TOP2A: variants seen among roughly 807,000 people sequenced by gnomAD.
TOP2A encodes DNA topoisomerase II alpha.
TOP2A carries 68 observed loss-of-function variants against 187.2 expected under a neutral mutation model. That is an observed-to-expected ratio of 0.36 (90% CI 0.30 to 0.44). The LOEUF is 0.44. Among genes scored for constraint, TOP2A ranks in the 20% least tolerant of loss-of-function variants. The probability of loss-of-function intolerance (pLI) is 1.00; values close to 1 mark genes in which losing one functional copy is unlikely to be tolerated. For synonymous variants in TOP2A, 542 were observed against 593.2 expected (o/e 0.91, Z 1.25); for missense variants, 1,196 against 1,808.7 (o/e 0.66, Z 6.14).
chr17:40,412,417 G>A (rs529442387), intron 7 of TOP2A, among the ~76,000 whole-genome samples: 11 of 152,242 alleles, frequency 7.2e-5, no homozygotes, highest in African/African-American at 4.8e-5. Flanking sequence ...AGGCCAAGAC[G>A]GGTGGATCAT....
rs747901094 is a variant in TOP2A, at chr17:40,412,991, G to A, written c.577-20C>T. 6.9e-6 allele frequency: 11 copies of A among 1,583,476 alleles called. No homozygotes were observed. Among genetic ancestry groups the A allele is most frequent in the Middle Eastern group, 1.7e-4 (1 of 5,970 alleles). On this transcript the variant is annotated intron_variant, in intron 6 of 34. Coordinates refer to ENST00000423485, the MANE Select transcript of TOP2A (RefSeq NM_001067.4). ...CCATGTCTATGGAAGTAAAGAATAG[G>A]AAACATGAAAAATTCAAGTCATCTC...
chr17:40,391,817 A>G, intron 32 of TOP2A, 177 bp from the exon 33 acceptor site: 3 of 876,004 alleles, frequency 3.4e-6, no homozygotes, highest in Non-Finnish European at 5.0e-6. Flanking sequence ...CAGCAAGAAC[A>G]GTTTTTATTT....
rs1598619799 is a variant in TOP2A, at chr17:40,413,475, T to C, written c.478+5A>G. On this transcript the variant is annotated splice_donor_5th_base_variant and intron_variant, in intron 5 of 34. Transcript: ENST00000423485. ...CAAATATGTTATTTCCCCTCAATAC[T>C]CTACCTGTCACTTTCTTTTCATCAT... The C allele has an allele frequency of 5.2e-6, 8 of 1,524,568 alleles. No individual in the cohort carries two copies. The East Asian group carries it at 2.0e-4, about 38-fold the overall frequency. 94.4% of individuals were successfully genotyped at this position (1,524,568 alleles called of 1,614,324 possible).
chr17:40,406,354 G>T, intron 16 of TOP2A, 30 bp downstream of exon 16: 1 of 1,499,868 alleles, frequency 6.7e-7, no homozygotes, highest in Non-Finnish European at 9.1e-7. Flanking sequence ...TCTAAAATTA[G>T]AATGTATATA....
At chr17:40,405,385 A>G (rs1422407220) in intron 16 of TOP2A, among the ~76,000 whole-genome samples, 1 of 151,236 alleles carries the variant, frequency 6.6e-6, no homozygotes, top group African/African-American at 2.4e-5. Context: ...TCCCGAGCTC[A>G]GGTGATCCAC....
chr17:40,404,587 G>T, intron 17 of TOP2A, 96 bp from the exon 18 acceptor site: 1 of 780,922 alleles, frequency 1.3e-6, no homozygotes, highest in African/African-American at 1.8e-5. Flanking sequence ...AATTATTTCT[G>T]TAATTCTTAA....
rs201879487 is a variant in TOP2A, at chr17:40,390,739, T to C, written c.4268-575A>G. ...GCCTCCTGGGTTCAAGTGATTCTCC[T>C]GTTTCAGCCTCCCGAGTAGCTGACT... On this transcript the variant is annotated intron_variant, in intron 33 of 34. Transcript: ENST00000423485. Among the ~76,000 whole-genome samples the C allele has an allele frequency of 1.2e-4, 18 of 150,998 alleles. No homozygotes were observed. The East Asian group carries it at 3.6e-3, about 30-fold the overall frequency.
intron 27 of TOP2A, among the ~76,000 whole-genome samples, chr17:40,397,191 T>A (rs1031528654): frequency 4.6e-5 from 7 of 152,064 alleles, no homozygotes; most frequent in Non-Finnish European, 1.0e-4. Context: ...TGGCCTTTTT[T>A]CTTATGTTAA....
chr17:40,389,708 A>T, intron 34 of TOP2A, 61 bp from the exon 35 acceptor site: 1 of 1,548,274 alleles, frequency 6.5e-7, no homozygotes, highest in Non-Finnish European at 8.7e-7. Context: ...ATTGTAATGT[A>T]AAAAAATGTA....
intron 33 of TOP2A, 185 bp downstream of exon 33, chr17:40,391,321 T>C: frequency 3.5e-6 from 2 of 574,156 alleles, no homozygotes; most frequent in Non-Finnish European, 3.0e-6. Flanking sequence ...AGAGATAACT[T>C]ACTGTTTTGG....
intron 17 of TOP2A, 140 bp from the exon 18 acceptor site, chr17:40,404,631 T>G: frequency 1.4e-6 from 1 of 713,202 alleles, no homozygotes; most frequent in Admixed American, 3.0e-5. Context: ...ACAGAAATAT[T>G]TTATATGTTT....
chr17:40,408,569 T>C lies in TOP2A; in HGVS notation c.1265A>G (p.Gln422Arg). The C allele has an allele frequency of 6.2e-7, 1 of 1,613,790 alleles. No homozygotes were observed. The highest frequency in any genetic ancestry group is 8.5e-7 in the Non-Finnish European group (1 of 1,179,700). The change falls in exon 11 of 35, where the codon CAG becomes CGG. Residue 422 changes from glutamine to arginine, a missense_variant. Around this residue, in one of 10 missense-constraint regions of TOP2A, gnomAD observed 252 missense variants for 434.8 expected, o/e 0.58. Coordinates refer to ENST00000423485, the MANE Select transcript of TOP2A (RefSeq NM_001067.4). ...TACAGCTGAACACTTCTTGTTTAACTGGACTTGGGCCTTAAACTTCACCCA... is the reference window on the plus strand; with the variant it reads ...TACAGCTGAACACTTCTTGTTTAACCGGACTTGGGCCTTAAACTTCACCCA... ...LNWVKFKAQV[Q>R]LNKKCSAVKH... is the part of the protein sequence containing the mutation.
intron 27 of TOP2A, among the ~76,000 whole-genome samples, chr17:40,396,896 T>G (rs1292529391): frequency 6.6e-6 from 1 of 151,108 alleles, no homozygotes; most frequent in Admixed American, 6.6e-5. Flanking sequence ...GTGGTTTTTT[T>G]TTTGTTTTTT....
At chr17:40,391,053 T>C (rs978247039) in intron 33 of TOP2A, among the ~76,000 whole-genome samples, 2 of 152,146 alleles carry the variant, frequency 1.3e-5, no homozygotes, top group African/African-American at 2.4e-5. Context: ...TTTTAAACAT[T>C]TGGACTACCT....
chr17:40,400,538 T>C lies in TOP2A; in HGVS notation c.2790A>G (p.Thr930=), dbSNP rs370857635. The C allele has an allele frequency of 1.1e-5, 17 of 1,608,632 alleles. No homozygotes were observed. In the African/African-American group the frequency reaches 1.6e-4, roughly 15 times the overall value. Residue 930 remains threonine, a synonymous_variant, in exon 22 of 35, where the codon ACA becomes ACG. Coordinates refer to ENST00000423485, the MANE Select transcript of TOP2A (RefSeq NM_001067.4). ...TIEISELPVR[T]WTQTYKEQVL... Reference sequence around the variant, plus strand: ...ATCCATAATTATTTACCTGGGTCCATGTTCTGACGGGAAGCTCTGAGATTT... The same window carrying C: ...ATCCATAATTATTTACCTGGGTCCACGTTCTGACGGGAAGCTCTGAGATTT...
At chr17:40,417,436 G>A in intron 1 of TOP2A, 1 of 814,372 alleles carries the variant, frequency 1.2e-6, no homozygotes, top group Non-Finnish European at 1.8e-6. Flanking sequence ...CCGTTTTCAA[G>A]CAGCGGGCAG....
intron 23 of TOP2A, 26 bp downstream of exon 23, chr17:40,400,183 G>C: frequency 6.2e-7 from 1 of 1,608,016 alleles, no homozygotes; most frequent in Non-Finnish European, 8.5e-7. Flanking sequence ...ATTGAAACGT[G>C]TACATCTCAC....
rs1475152527 is a variant in TOP2A at position 40,392,278 on chromosome 17, G to A, written c.4028C>T (p.Thr1343Ile). Residue 1343 changes from threonine (T) to isoleucine (I), a missense_variant, in exon 31 of 35, where the codon ACT becomes ATT. By Grantham distance (89) the Thr-to-Ile change is moderately conservative. Around this residue, in one of 10 missense-constraint regions of TOP2A, gnomAD observed 374 missense variants for 403.3 expected, o/e 0.93. Coordinates refer to ENST00000423485, the MANE Select transcript of TOP2A (RefSeq NM_001067.4). ...DEDFSDFDEKTDDEDFVPSDA... is the reference protein window; with the variant it reads ...DEDFSDFDEKIDDEDFVPSDA... ...TGATGGGACAAAATCTTCATCATCA[G>A]TTTTTTCATCAAAATCTGAGAAATC... 3.7e-6 allele frequency: 6 copies of A among 1,611,264 alleles called. No homozygotes were observed. Among genetic ancestry groups the A allele is most frequent in the Non-Finnish European group, 5.1e-6 (6 of 1,178,554 alleles).
rs902044418 is a variant in TOP2A at position 40,399,138 on chromosome 17, T to A, written c.3197-7A>T. The A allele has an allele frequency of 6.6e-6, 10 of 1,513,226 alleles. No individual in the cohort carries two copies. The highest frequency in any genetic ancestry group is 9.0e-6 in the Non-Finnish European group (10 of 1,112,894). 93.7% of individuals were successfully genotyped at this position (1,513,226 alleles called of 1,614,324 possible). A position where few individuals can be genotyped will look rare whatever the true frequency, so the allele number is the denominator to read the frequency against. ...TCTTTCTTAGGCTTATTTTCTATTT[T>A]TAAAAAAGTAAACAGAGATAATGAT... On this transcript the variant is annotated splice_region_variant and splice_polypyrimidine_tract_variant and intron_variant, in intron 24 of 34. Coordinates refer to ENST00000423485, the MANE Select transcript of TOP2A (RefSeq NM_001067.4).
Sources: allele counts gnomAD v4.1 joint callset (sites outside exome capture counted in the v4.1 genomes callset), GRCh38; gene constraint gnomAD v4.1.1; regional missense constraint gnomAD v4.1.1; transcripts MANE v1.5; gene names NCBI Gene and HGNC (gene_info 2026-07-23, HGNC 2026-07-21).